NUP153: variants seen among roughly 807,000 people sequenced by gnomAD.
NUP153 encodes the protein nucleoporin 153.
Under a neutral mutation model 134.6 loss-of-function variants are expected in NUP153, and 27 were observed. The observed-to-expected ratio is 0.20, with a 90% CI of 0.15 to 0.28. NUP153 has a LOEUF of 0.28. Among genes scored for constraint, NUP153 ranks in the 10% least tolerant of loss-of-function variants. The probability of loss-of-function intolerance (pLI) is 1.00; values close to 1 mark genes in which losing one functional copy is unlikely to be tolerated. For missense variants in NUP153, 1,821 were observed against 1,731.3 expected (o/e 1.05, Z -0.92); for synonymous variants, 640 against 623.5 (o/e 1.03, Z -0.40).
At chr6:17,685,491 A>G (rs1171196093) in intron 2 of NUP153, among the ~76,000 whole-genome samples, 2 of 150,970 alleles carry the variant, frequency 1.3e-5, no homozygotes, top group East Asian at 2.0e-4. Context: ...GGAGCTTGCA[A>G]TGAGCCGAGA....
chr6:17,700,057 T>C (rs991061262), intron 1 of NUP153, among the ~76,000 whole-genome samples: 6 of 152,082 alleles, frequency 3.9e-5, no homozygotes, highest in African/African-American at 1.4e-4. Context: ...ATTTAATACA[T>C]GCAAGTATTG....
At chr6:17,656,347 G>A (rs1000208557) in intron 11 of NUP153, among the ~76,000 whole-genome samples, 2 of 152,198 alleles carry the variant, frequency 1.3e-5, no homozygotes, top group African/African-American at 4.8e-5. Context: ...AGAATCCTGT[G>A]ACACAAAATT....
At chr6:17,656,444 A>AT (rs1007330386) in intron 11 of NUP153, among the ~76,000 whole-genome samples, 30 of 152,040 alleles carry the variant, frequency 2.0e-4, no homozygotes, top group Middle Eastern at 3.4e-3. Context: ...TTTATTTGTT[A>AT]TTTTTTTAAA....
At chr6:17,655,765 T>C (rs1228818514) in intron 11 of NUP153, among the ~76,000 whole-genome samples, 1 of 152,130 alleles carries the variant, frequency 6.6e-6, no homozygotes, top group Non-Finnish European at 1.5e-5. Flanking sequence ...AATCTTTTAA[T>C]TTTTTACCAA....
intron 16 of NUP153, among the ~76,000 whole-genome samples, chr6:17,634,216 T>C (rs1351328201): frequency 6.6e-6 from 1 of 152,154 alleles, no homozygotes; most frequent in Non-Finnish European, 1.5e-5. Context: ...AAGCAACCAG[T>C]GCCATGTAGT....
chr6:17,662,970 G>A (rs535764508), intron 9 of NUP153, among the ~76,000 whole-genome samples: 1 of 152,144 alleles, frequency 6.6e-6, no homozygotes, highest in South Asian at 2.1e-4. Context: ...AGGAGATGAA[G>A]AGACATGACA....
At position 17,629,358 on chromosome 6, in the gene NUP153, A is replaced by G. The variant is rs192616594; in HGVS notation, c.2841T>C (p.Ser947=). Residue 947 remains serine (S), a synonymous_variant, in exon 18 of 22, where the codon AGT becomes AGC. Coordinates refer to ENST00000262077, the MANE Select transcript of NUP153 (RefSeq NM_005124.4). ...TTGGTTTAGAAAATTTAAAGCCTTC[A>G]CTCATGGGGTTTATAGACCCAGAAT... The part of the protein sequence containing the change: ...SSDSGSINPM[S]EGFKFSKPIG... 2.3e-4 allele frequency: 373 copies of G among 1,611,078 alleles called. 4 individuals carry two copies. The East Asian group carries it at 7.3e-3, about 31-fold the overall frequency.
At chr6:17,629,589 T>C in intron 17 of NUP153, 50 bp from the exon 18 acceptor site, 1 of 1,491,644 alleles carries the variant, frequency 6.7e-7, no homozygotes, top group South Asian at 1.4e-5. Context: ...ACTGATCCTC[T>C]CAAACAAAAT....
chr6:17,672,749 CAGG>C (rs369583519), intron 5 of NUP153, among the ~76,000 whole-genome samples: 24 of 152,078 alleles, frequency 1.6e-4, no homozygotes, highest in African/African-American at 5.6e-4. Context: ...GAGGCTGAGG[CAGG>C]AGGATTGCTT....
intron 20 of NUP153, among the ~76,000 whole-genome samples, chr6:17,617,213 G>C (rs1462407734): frequency 6.6e-6 from 1 of 152,060 alleles, no homozygotes; most frequent in Non-Finnish European, 1.5e-5. Context: ...CTATGACCAA[G>C]GGGAAAAGGG....
In NUP153 at chr6:17,706,333, G is replaced by C. The variant is rs1478930788; in HGVS notation, c.55C>G (p.Arg19Gly). The part of the protein sequence containing the change: ...GGGGGGKIRT[R>G]RCHQGPIKPY... The stretch of plus-strand genomic sequence containing the variant: ...TTAATTGGCCCCTGGTGGCAACGCC[G>C]CGTCCGGATCTTGCCGCCACCGCCC... Residue 19 changes from arginine to glycine, a missense_variant, in exon 1 of 22, where the codon CGG becomes GGG. By Grantham distance (125) the Arg-to-Gly change is moderately radical (BLOSUM62 -2). Coordinates refer to ENST00000262077, the MANE Select transcript of NUP153 (RefSeq NM_005124.4). The surrounding 1 kb of genome is among the most constrained non-coding windows in gnomAD (Gnocchi z 5.9). 1 of 1,613,380 alleles carries C rather than the reference G, an allele frequency of 6.2e-7. No individual in the cohort carries two copies. Among genetic ancestry groups the C allele is most frequent in the Non-Finnish European group, 8.5e-7 (1 of 1,179,746 alleles).
chr6:17,661,449 G>A (rs997833646), intron 11 of NUP153, among the ~76,000 whole-genome samples: 1 of 151,846 alleles, frequency 6.6e-6, no homozygotes. Flanking sequence ...AAAAAGTATG[G>A]GTAGTTTTGT....
At chr6:17,650,600 A>G (rs927216255) in intron 11 of NUP153, among the ~76,000 whole-genome samples, 1 of 152,004 alleles carries the variant, frequency 6.6e-6, no homozygotes, top group African/African-American at 2.4e-5. Flanking sequence ...AATTGATCCA[A>G]AAGCCCAAAG....
intron 1 of NUP153, among the ~76,000 whole-genome samples, chr6:17,705,793 C>T (rs1029516187): frequency 6.6e-6 from 1 of 151,954 alleles, no homozygotes; most frequent in African/African-American, 2.4e-5. Flanking sequence ...AACAGCGCCC[C>T]CCACAACTCC....
In NUP153 at chr6:17,637,690, T is replaced by G. The variant is rs986912024; in HGVS notation, c.1927A>C (p.Ser643Arg). 2.7e-5 allele frequency: 44 copies of G among 1,611,610 alleles called. No individual in the cohort carries two copies. Among genetic ancestry groups the G allele is most frequent in the Non-Finnish European group, 3.4e-5 (40 of 1,180,040 alleles). Reference sequence around the variant, plus strand: ...CCAATTCCACTAGAAGAAAAGCTACTTATTGCTGGTCTTGTATAAACTACT... The same window carrying G: ...CCAATTCCACTAGAAGAAAAGCTACGTATTGCTGGTCTTGTATAAACTACT... ...SPVVYTRPAI[S>R]SFSSSGIGFG... The change falls in exon 16 of 22, where the codon AGT (serine) becomes CGT (arginine). Residue 643 changes from serine to arginine, a missense_variant. Physicochemically the swap from Ser to Arg is moderately radical, Grantham distance 110 (BLOSUM62 -1). Coordinates refer to ENST00000262077, the MANE Select transcript of NUP153 (RefSeq NM_005124.4).
chr6:17,623,106 G>A (rs1220357262), intron 20 of NUP153, among the ~76,000 whole-genome samples: 1 of 150,458 alleles, frequency 6.6e-6, no homozygotes, highest in African/African-American at 2.4e-5. Flanking sequence ...CTCCAGCATG[G>A]GCGACACAGT....
intron 20 of NUP153, among the ~76,000 whole-genome samples, chr6:17,617,926 C>CTT (rs1436616361): frequency 1.4e-4 from 21 of 152,266 alleles, no homozygotes; most frequent in Non-Finnish European, 4.4e-5. Flanking sequence ...GTGTTTTAGT[C>CTT]TTTGTAGAAG....
At position 17,629,062 on chromosome 6, in the gene NUP153, C is replaced by A; in HGVS notation, c.3137G>T (p.Ser1046Ile). 6.2e-7 allele frequency: 1 copy of A among 1,614,206 alleles called. No individual in the cohort carries two copies. Among genetic ancestry groups the A allele is most frequent in the Non-Finnish European group, 8.5e-7 (1 of 1,180,034 alleles). The change falls in exon 18 of 22, where the codon AGC becomes ATC. Residue 1046 changes from serine to isoleucine, a missense_variant. Coordinates refer to ENST00000262077, the MANE Select transcript of NUP153 (RefSeq NM_005124.4). Reference sequence around the variant, plus strand: ...TTCTATGGTTCCAAGGTTGAAGCTGCTCTTGTTCTCAGAGGTCACTATGGT... The same window carrying A: ...TTCTATGGTTCCAAGGTTGAAGCTGATCTTGTTCTCAGAGGTCACTATGGT... ...ANTIVTSENK[S>I]SFNLGTIETK...
intron 12 of NUP153, among the ~76,000 whole-genome samples, chr6:17,648,191 A>C (rs1447656503): frequency 2.6e-5 from 4 of 152,216 alleles, no homozygotes; most frequent in Non-Finnish European, 5.9e-5. Flanking sequence ...CAAGTATTAA[A>C]ATTTCAGGAG....
Sources: gnomAD v4.1 joint callset for allele counts (sites outside exome capture counted in the v4.1 genomes callset) on GRCh38, gnomAD v4.1.1 for gene constraint, Gnocchi (gnomAD v3.1) non-coding constraint, MANE v1.5 for transcripts, NCBI Gene and HGNC (gene_info 2026-07-23, HGNC 2026-07-21) for gene names.